Variants in SMAD2 observed in about 807,000 individuals in gnomAD.
SMAD2 encodes SMAD family member 2.
SMAD2 carries 8 observed loss-of-function variants against 64.4 expected under a neutral mutation model. That is an observed-to-expected ratio of 0.12 (90% CI 0.07 to 0.22). SMAD2 has a LOEUF of 0.22. Ranked by LOEUF, SMAD2 falls within the 10% of genes least tolerant of loss-of-function variation. The probability of loss-of-function intolerance (pLI) is 1.00; values close to 1 mark genes in which losing one functional copy is unlikely to be tolerated. For synonymous variants in SMAD2, 203 were observed against 195.8 expected, an observed-to-expected ratio of 1.04 and a Z score of -0.31; for missense variants, 289 against 561.2, an observed-to-expected ratio of 0.51 and a Z score of 4.90.
intron 5 of SMAD2, among the ~76,000 whole-genome samples, chr18:47,867,780 C>G (rs2031671478): frequency 6.6e-6 from 1 of 151,872 alleles, no homozygotes; most frequent in South Asian, 2.1e-4. Flanking sequence ...CAATTTTCAT[C>G]AGAAATTACT....
At chr18:47,921,626 T>C (rs1396953500) in intron 1 of SMAD2, among the ~76,000 whole-genome samples, 1 of 152,226 alleles carries the variant, frequency 6.6e-6, no homozygotes, top group Non-Finnish European at 1.5e-5. Flanking sequence ...GTTTCAATGA[T>C]ACCAGAACAC....
intron 2 of SMAD2, among the ~76,000 whole-genome samples, chr18:47,880,499 T>C (rs1371994835): frequency 6.6e-6 from 1 of 152,216 alleles, no homozygotes; most frequent in South Asian, 2.1e-4. Flanking sequence ...TATCACACTA[T>C]ACAGATTACT....
rs200086333 is a variant in SMAD2, at chr18:47,869,238, C to G, written c.520+5G>C. 6.2e-7 allele frequency: 1 copy of G among 1,608,656 alleles called. No homozygotes were observed. The highest frequency in any genetic ancestry group is 8.5e-7 in the Non-Finnish European group (1 of 1,175,478). ...AACCAAGAAAAAAACTTGCAATATT[C>G]CTACCTGGTGTCTCAACTCTCTGAT... On this transcript the variant is annotated splice_donor_5th_base_variant and intron_variant, in intron 4 of 10. Transcript: ENST00000262160.
chr18:47,914,979 T>C (rs1397341241), intron 1 of SMAD2, among the ~76,000 whole-genome samples: 1 of 152,160 alleles, frequency 6.6e-6, no homozygotes, highest in Middle Eastern at 3.2e-3. Context: ...AAGTTGCATA[T>C]TTTCTCCATA....
At chr18:47,890,062 A>G (rs1402843557) in intron 2 of SMAD2, among the ~76,000 whole-genome samples, 1 of 152,242 alleles carries the variant, frequency 6.6e-6, no homozygotes, top group Non-Finnish European at 1.5e-5. Flanking sequence ...ATGCAAGAAT[A>G]TACCATATAC....
intron 1 of SMAD2, among the ~76,000 whole-genome samples, chr18:47,924,888 T>C (rs988496120): frequency 7.9e-5 from 12 of 152,254 alleles, no homozygotes; most frequent in Admixed American, 4.6e-4. Context: ...TATGAAAATG[T>C]AGTTTACTTT....
chr18:47,930,509 C>G lies in SMAD2; in HGVS notation c.-202G>C, dbSNP rs1217579283. 1 of 150,714 alleles carries G rather than the reference C, an allele frequency of 6.6e-6. No homozygotes were observed. The highest frequency in any genetic ancestry group is 1.5e-5 in the Non-Finnish European group (1 of 67,546). The allele number at this position is 150,714 out of a possible 1,614,324, so 9.3% of individuals were successfully genotyped here. A position where few individuals can be genotyped will look rare whatever the true frequency, so the allele number is the denominator to read the frequency against. On this transcript the variant is annotated 5_prime_UTR_variant, in exon 1 of 11. Transcript: ENST00000262160. ...AACTGAAAACACTCCCGGCCGCCGT[C>G]TTCCCGCCCCGCCCCCAGGCCCGGG...
At chr18:47,851,773 G>A (rs920324954) in intron 6 of SMAD2, among the ~76,000 whole-genome samples, 46 of 151,756 alleles carry the variant, frequency 3.0e-4, no homozygotes, top group Admixed American at 1.3e-4. Context: ...ACATAACATC[G>A]CGATCCCACA....
intron 7 of SMAD2, among the ~76,000 whole-genome samples, chr18:47,850,569 A>ATGT (rs1190673890): frequency 3.8e-5 from 2 of 52,180 alleles, no homozygotes; most frequent in Non-Finnish European, 6.0e-5. Flanking sequence ...TGTATAATAT[A>ATGT]TATTATATAT....
rs1912744585 is a variant in SMAD2, at chr18:47,826,112, G to A, written c.*15715C>T. On this transcript the variant is annotated 3_prime_UTR_variant, in exon 11 of 11. Coordinates refer to ENST00000262160, the MANE Select transcript of SMAD2 (RefSeq NM_005901.6). ...AACCACAATGATTAACCTTTAGATA[G>A]AAAACACAATCCTTTGCTTTTGTCT... 6.6e-6 allele frequency: 1 copy of A among 152,206 alleles called. No individual in the cohort carries two copies. The highest frequency in any genetic ancestry group is 2.1e-4 in the South Asian group (1 of 4,826). The allele number at this position is 152,206 out of a possible 1,614,324, so 9.4% of individuals were successfully genotyped here.
rs1020754109 is a variant in SMAD2 at position 47,930,064 on chromosome 18, G to A, written c.-54+297C>T. Among the ~76,000 whole-genome samples the A allele has an allele frequency of 1.1e-3, 175 of 152,326 alleles. 11 individuals carry two copies. The highest frequency in any genetic ancestry group is 2.1e-4 in the Non-Finnish European group (14 of 68,022). On this transcript the variant is annotated intron_variant, in intron 1 of 10. Coordinates refer to ENST00000262160, the MANE Select transcript of SMAD2 (RefSeq NM_005901.6). The stretch of plus-strand genomic sequence containing the variant: ...CACAACTCCTGAAACAAGAGCTCTG[G>A]CCCTTCGGCTTTAAAAATCAGAACC...
chr18:47,926,918 T>C (rs1471507331), intron 1 of SMAD2, among the ~76,000 whole-genome samples: 1 of 152,226 alleles, frequency 6.6e-6, no homozygotes, highest in Admixed American at 6.5e-5. Flanking sequence ...ACTTCCATTT[T>C]GTGTCAGAAA....
chr18:47,912,172 A>G (rs2034163172), intron 1 of SMAD2: 1 of 152,254 alleles, frequency 6.6e-6, no homozygotes, highest in Admixed American at 6.5e-5. Flanking sequence ...GGTTATCACT[A>G]AAATACGGTG....
At chr18:47,928,769 A>C (rs1230376274) in intron 1 of SMAD2, among the ~76,000 whole-genome samples, 1 of 152,198 alleles carries the variant, frequency 6.6e-6, no homozygotes, top group Non-Finnish European at 1.5e-5. Context: ...TAAGTATAAA[A>C]ACCAAGCTCT....
intron 1 of SMAD2, among the ~76,000 whole-genome samples, chr18:47,902,132 A>T (rs932289259): frequency 2.0e-5 from 3 of 152,192 alleles, no homozygotes; most frequent in Admixed American, 2.0e-4. Context: ...AAGGCCCCTC[A>T]TATTTCCAAT....
In SMAD2 at chr18:47,810,406, C is replaced by G. The variant is rs1046906874; in HGVS notation, c.*31421G>C. 5 of 152,290 alleles carry G rather than the reference C, an allele frequency of 3.3e-5. No homozygotes were observed. The highest frequency in any genetic ancestry group is 1.2e-4 in the African/African-American group (5 of 41,372). The allele number at this position is 152,290 out of a possible 1,614,324, so 9.4% of individuals were successfully genotyped here. A position where few individuals can be genotyped will look rare whatever the true frequency, so the allele number is the denominator to read the frequency against. On this transcript the variant is annotated 3_prime_UTR_variant, in exon 11 of 11. Transcript: ENST00000262160. Reference sequence around the variant, plus strand: ...TTATGCTGTCAAAGTCAAATGCTATCCACCCTCCCTGCCCACCTTAATTGC... The same window carrying G: ...TTATGCTGTCAAAGTCAAATGCTATGCACCCTCCCTGCCCACCTTAATTGC...
At position 47,838,517 on chromosome 18, in the gene SMAD2, T is replaced by C. The variant is rs1333502028; in HGVS notation, c.*3310A>G. On this transcript the variant is annotated 3_prime_UTR_variant, in exon 11 of 11. Transcript: ENST00000262160. The stretch of plus-strand genomic sequence containing the variant: ...AAATGTTTACTAACTGAATGTGTAT[T>C]ATAAGGTATAATCGGTATAACTGAT... The C allele has an allele frequency of 4.3e-6, 1 of 233,030 alleles. No homozygotes were observed. The highest frequency in any genetic ancestry group is 2.2e-5 in the African/African-American group (1 of 45,348). 14.4% of individuals were successfully genotyped at this position (233,030 alleles called of 1,614,324 possible).
chr18:47,872,607 G>A lies in SMAD2; in HGVS notation c.237-2043C>T, dbSNP rs2032004567. Among the ~76,000 whole-genome samples, 9 of 152,276 alleles carry A rather than the reference G, an allele frequency of 5.9e-5. No individual in the cohort carries two copies. The South Asian group carries it at 1.9e-3, about 32-fold the overall frequency. ...GACACACAGCAGAAGGTGAGCAGCA[G>A]GGGAGAGACCATTACCACCTGAGCT... is the stretch of plus-strand genomic sequence containing the variant. On this transcript the variant is annotated intron_variant, in intron 2 of 10. Transcript: ENST00000262160.
At chr18:47,929,116 T>C (rs1415614984) in intron 1 of SMAD2, among the ~76,000 whole-genome samples, 1 of 152,240 alleles carries the variant, frequency 6.6e-6, no homozygotes, top group Non-Finnish European at 1.5e-5. Flanking sequence ...CCTCAAACTA[T>C]GGTACATTTA....
Sources: allele counts gnomAD v4.1 joint callset (sites outside exome capture counted in the v4.1 genomes callset), GRCh38; gene constraint gnomAD v4.1.1; transcripts MANE v1.5; gene names NCBI Gene and HGNC (gene_info 2026-07-23, HGNC 2026-07-21).